Variants in ANO5 observed in about 807,000 individuals in gnomAD.
ANO5 encodes anoctamin-5.
In ANO5, 109 loss-of-function variants were observed where a neutral mutation model predicts 121.0. The observed-to-expected ratio is 0.90, with a 90% CI of 0.77 to 1.06. ANO5 has a LOEUF of 1.06. ANO5 is among the 50% of genes least tolerant of loss of function. The probability of loss-of-function intolerance (pLI) is 0.00; values close to 1 mark genes in which losing one functional copy is unlikely to be tolerated. For synonymous variants in ANO5, 406 were observed against 359.9 expected, an observed-to-expected ratio of 1.13 and a Z score of -1.45; for missense variants, 1,064 against 1,078.5, an observed-to-expected ratio of 0.99 and a Z score of 0.19.
chr11:22,198,462 A>T (rs2133495747), intron 1 of ANO5, among the ~76,000 whole-genome samples: 1 of 152,352 alleles, frequency 6.6e-6, no homozygotes, highest in Admixed American at 6.5e-5. Context: ...ATAGGAGGTA[A>T]TCTGGGGGAT....
chr11:22,238,303 T>G (rs1853300510), intron 8 of ANO5, among the ~76,000 whole-genome samples: 1 of 151,756 alleles, frequency 6.6e-6, no homozygotes, highest in Non-Finnish European at 1.5e-5. Context: ...TTGAAGATTT[T>G]GAGTTTTTTA....
chr11:22,224,463 G>A (rs755818642), intron 5 of ANO5, among the ~76,000 whole-genome samples: 1 of 152,018 alleles, frequency 6.6e-6, no homozygotes, highest in African/African-American at 2.4e-5. Context: ...GGGGCCAAGT[G>A]CATACAATGG....
At position 22,283,055 on chromosome 11, in the gene ANO5, G is replaced by A. The variant is rs142126223; in HGVS notation, c.*3290G>A. The A allele has an allele frequency of 1.3e-5, 2 of 152,046 alleles. No individual in the cohort carries two copies. Among genetic ancestry groups the A allele is most frequent in the African/African-American group, 2.4e-5 (1 of 41,394 alleles). The allele number at this position is 152,046 out of a possible 1,614,324, so 9.4% of individuals were successfully genotyped here. ...TAATTCCAGTATTCTATTTATTTCA[G>A]CATTATGTGAAAAATGATAAGAATG... On this transcript the variant is annotated 3_prime_UTR_variant, in exon 22 of 22. Coordinates refer to ENST00000324559, the MANE Select transcript of ANO5 (RefSeq NM_213599.3).
At chr11:22,226,265 GAC>G (rs1029320459) in intron 6 of ANO5, among the ~76,000 whole-genome samples, 10 of 152,128 alleles carry the variant, frequency 6.6e-5, no homozygotes, top group Middle Eastern at 3.4e-3. Flanking sequence ...TTTATAAATT[GAC>G]ACAGTTTGCA....
chr11:22,254,613 A>G (rs1853931934), intron 12 of ANO5, among the ~76,000 whole-genome samples: 1 of 152,018 alleles, frequency 6.6e-6, no homozygotes, highest in Non-Finnish European at 1.5e-5. Context: ...GCTTGACACG[A>G]AAAAGTATCA....
intron 4 of ANO5, among the ~76,000 whole-genome samples, chr11:22,220,670 A>G (rs1189382110): frequency 6.6e-6 from 1 of 152,112 alleles, no homozygotes; most frequent in East Asian, 1.9e-4. Flanking sequence ...TAGAATAAAC[A>G]TTAATCATAA....
intron 4 of ANO5, among the ~76,000 whole-genome samples, chr11:22,220,637 G>T (rs1852609733): frequency 6.6e-6 from 1 of 152,012 alleles, no homozygotes; most frequent in African/African-American, 2.4e-5. Context: ...GTTGAATTAG[G>T]AAGTGACAAT....
At chr11:22,271,340 G>A (rs924327251) in intron 18 of ANO5, among the ~76,000 whole-genome samples, 8 of 152,096 alleles carry the variant, frequency 5.3e-5, no homozygotes, top group Admixed American at 4.6e-4. Flanking sequence ...GAGCCACAGC[G>A]CCCAGCCAGG....
intron 5 of ANO5, among the ~76,000 whole-genome samples, chr11:22,221,461 C>G (rs1252858126): frequency 6.6e-6 from 1 of 151,884 alleles, no homozygotes; most frequent in Non-Finnish European, 1.5e-5. Flanking sequence ...TTTTATAGCT[C>G]ACTTTAGATA....
At chr11:22,248,723 G>A (rs1476877543) in intron 9 of ANO5, among the ~76,000 whole-genome samples, 1 of 151,880 alleles carries the variant, frequency 6.6e-6, no homozygotes, top group Non-Finnish European at 1.5e-5. Flanking sequence ...AATAAGACTT[G>A]TGACAATTGA....
intron 5 of ANO5, 69 bp downstream of exon 5, chr11:22,221,279 G>T (rs1355263380): frequency 1.5e-6 from 2 of 1,294,620 alleles, no homozygotes; most frequent in African/African-American, 1.5e-5. Context: ...ATGGATATCT[G>T]GATTGAATTA....
intron 15 of ANO5, chr11:22,261,102 C>T: frequency 6.6e-6 from 1 of 152,182 alleles, no homozygotes; most frequent in East Asian, 1.9e-4. Context: ...GTTCTAATGG[C>T]TTATAGCATG....
At chr11:22,240,567 G>A (rs754438611) in intron 9 of ANO5, among the ~76,000 whole-genome samples, 27 of 152,114 alleles carry the variant, frequency 1.8e-4, no homozygotes, top group Middle Eastern at 6.8e-3. Flanking sequence ...ATAAACTGGG[G>A]CTTTTGATAA....
intron 7 of ANO5, among the ~76,000 whole-genome samples, chr11:22,231,415 T>C (rs1428925948): frequency 6.6e-6 from 1 of 151,922 alleles, no homozygotes; most frequent in African/African-American, 2.4e-5. Context: ...AAGAGATGTA[T>C]ATCATAAAAT....
intron 9 of ANO5, among the ~76,000 whole-genome samples, chr11:22,240,311 A>G (rs902656930): frequency 1.3e-5 from 2 of 151,892 alleles, no homozygotes; most frequent in African/African-American, 4.8e-5. Context: ...ACAAGCATAC[A>G]AGATATTAGG....
chr11:22,215,692 T>G (rs749443552), intron 3 of ANO5, among the ~76,000 whole-genome samples: 3 of 151,962 alleles, frequency 2.0e-5, no homozygotes, highest in Non-Finnish European at 2.9e-5. Flanking sequence ...AAAGTTTTCA[T>G]CTTCATTGGT....
intron 8 of ANO5, among the ~76,000 whole-genome samples, chr11:22,237,079 G>A (rs1306848435): frequency 6.6e-6 from 1 of 152,086 alleles, no homozygotes; most frequent in Non-Finnish European, 1.5e-5. Flanking sequence ...AAATCCTGGG[G>A]CTGAATGTGT....
At chr11:22,237,124 C>A (rs1853249557) in intron 8 of ANO5, among the ~76,000 whole-genome samples, 2 of 152,074 alleles carry the variant, frequency 1.3e-5, no homozygotes, top group Non-Finnish European at 2.9e-5. Flanking sequence ...CTTGGAATGT[C>A]TATTTTTGTT....
intron 6 of ANO5, among the ~76,000 whole-genome samples, chr11:22,226,656 T>C (rs1387133660): frequency 6.6e-6 from 1 of 152,032 alleles, no homozygotes; most frequent in Non-Finnish European, 1.5e-5. Context: ...GCCCAGGAGT[T>C]TCATGGTTGT....
Sources: allele counts gnomAD v4.1 joint callset (sites outside exome capture counted in the v4.1 genomes callset), GRCh38; gene constraint gnomAD v4.1.1; transcripts MANE v1.5; gene names NCBI Gene and HGNC (gene_info 2026-07-23, HGNC 2026-07-21).